SIRT4: variants seen among roughly 807,000 people sequenced by gnomAD.
SIRT4 encodes NAD-dependent protein lipoamidase sirtuin-4, mitochondrial.
SIRT4 carries 23 observed loss-of-function variants against 26.1 expected under a neutral mutation model. That is an observed-to-expected ratio of 0.88 (90% CI 0.63 to 1.25). The LOEUF (loss-of-function observed/expected upper bound fraction) is 1.25, where lower values mean the gene tolerates loss of function less well. Ranked by LOEUF, SIRT4 falls within the 50% of genes most tolerant of loss-of-function variation. SIRT4 has a pLI of 0.00. For synonymous variants in SIRT4, 155 were observed against 158.4 expected (o/e 0.98, Z 0.16); for missense variants, 361 against 405.4 (o/e 0.89, Z 0.94).
At chr12:120,293,057 AC>A in the SIRT4 span, 1 of 139,914 alleles carries the variant, frequency 7.1e-6, no homozygotes, top group African/African-American at 2.7e-5. Context: ...CCCCACACAC[AC>A]AAAAAAAGCC....
upstream of SIRT4, among the ~76,000 whole-genome samples, chr12:120,299,653 C>A (rs1872475807): frequency 2.0e-5 from 3 of 151,962 alleles, no homozygotes; most frequent in Admixed American, 2.0e-4. Context: ...ACTGGTCCAA[C>A]ACAGAATTTC....
chr12:120,303,896 G>C lies in SIRT4; in HGVS notation c.335G>C (p.Gly112Ala). Residue 112 changes from glycine to alanine, a missense_variant, in exon 2 of 4, where the codon GGC becomes GCC. Physicochemically the swap from Gly to Ala is moderately conservative, Grantham distance 60. Coordinates refer to ENST00000202967, the MANE Select transcript of SIRT4 (RefSeq NM_012240.3). Reference protein sequence around the residue: ...RQRYWARNFVGWPQFSSHQPN... With the variant: ...RQRYWARNFVAWPQFSSHQPN... ...CGGTACTGGGCGAGAAACTTCGTAG[G>C]CTGGCCTCAATTCTCCTCCCACCAG... 6.2e-7 allele frequency: 1 copy of C among 1,614,174 alleles called. No individual in the cohort carries two copies. Among genetic ancestry groups the C allele is most frequent in the Non-Finnish European group, 8.5e-7 (1 of 1,180,040 alleles).
the SIRT4 span, among the ~76,000 whole-genome samples, chr12:120,293,964 TA>T: frequency 6.6e-6 from 1 of 151,762 alleles, no homozygotes; most frequent in South Asian, 2.1e-4. Flanking sequence ...AGGAATTCAT[TA>T]ATTTTATGGC....
chr12:120,309,111 G>A (rs1226429947), intron 2 of SIRT4, among the ~76,000 whole-genome samples: 1 of 152,030 alleles, frequency 6.6e-6, no homozygotes, highest in Non-Finnish European at 1.5e-5. Context: ...CCTGGGAGGC[G>A]GAGGTTGCGG....
the SIRT4 span, among the ~76,000 whole-genome samples, chr12:120,296,213 C>A: frequency 6.8e-6 from 1 of 146,130 alleles, no homozygotes; most frequent in Non-Finnish European, 1.5e-5. Context: ...CATCCATATA[C>A]AAAAATGACA....
Position 120,303,635 on chromosome 12 carries a change from C to G in SIRT4, c.74C>G (p.Ser25Trp), listed in dbSNP as rs772284370. The change falls in exon 2 of 4, where the codon TCG becomes TGG. Residue 25 changes from serine (S) to tryptophan (W), a missense_variant. Transcript: ENST00000202967. ...ATCGCAAACCCCAGCCAGCCGTGCTCGAAAGCCTCCATTGGGTTATTTGTG... is the reference window on the plus strand; with the variant it reads ...ATCGCAAACCCCAGCCAGCCGTGCTGGAAAGCCTCCATTGGGTTATTTGTG... ...RWIANPSQPC[S>W]KASIGLFVPA... The G allele has an allele frequency of 6.2e-7, 1 of 1,614,104 alleles. No homozygotes were observed. The highest frequency in any genetic ancestry group is 1.7e-5 in the Admixed American group (1 of 59,984).
chr12:120,292,849 G>A, the SIRT4 span, among the ~76,000 whole-genome samples: 5 of 152,056 alleles, frequency 3.3e-5, no homozygotes, highest in Admixed American at 2.0e-4. Flanking sequence ...CAGCCAACTG[G>A]CAAGAAAAGT....
chr12:120,302,543 G>T (rs536629574), intron 1 of SIRT4, among the ~76,000 whole-genome samples, 165 bp downstream of exon 1: 2 of 152,152 alleles, frequency 1.3e-5, no homozygotes, highest in African/African-American at 4.8e-5. Context: ...TCGGGAAACC[G>T]GACTGTGTGT....
chr12:120,306,215 C>T (rs1434886116), intron 2 of SIRT4, among the ~76,000 whole-genome samples: 7 of 152,010 alleles, frequency 4.6e-5, no homozygotes, highest in Non-Finnish European at 1.0e-4. Flanking sequence ...GTGGCTCGCG[C>T]CTGTAATCCC....
intron 2 of SIRT4, 32 bp downstream of exon 2, chr12:120,304,090 C>T: frequency 6.3e-7 from 1 of 1,593,188 alleles, no homozygotes; most frequent in East Asian, 2.2e-5. Context: ...TGAACGCAAA[C>T]CCGTGTGTTG....
At chr12:120,297,683 A>C (rs1202951885), upstream of SIRT4, among the ~76,000 whole-genome samples, 1 of 152,136 alleles carries the variant, frequency 6.6e-6, no homozygotes, top group African/African-American at 2.4e-5. Context: ...GGGGCCTAGA[A>C]GCACAATAGA....
chr12:120,296,811 C>A, the SIRT4 span, among the ~76,000 whole-genome samples: 3 of 151,828 alleles, frequency 2.0e-5, no homozygotes, highest in African/African-American at 7.3e-5. Context: ...CAGCAGATTT[C>A]TTATTTAATT....
chr12:120,303,358 C>G (rs1394973915), intron 1 of SIRT4, among the ~76,000 whole-genome samples: 1 of 151,714 alleles, frequency 6.6e-6, no homozygotes, highest in African/African-American at 2.4e-5. Flanking sequence ...CCATGTAGTC[C>G]CAGCTATTCT....
chr12:120,298,119 C>T (rs1197739847), upstream of SIRT4, among the ~76,000 whole-genome samples: 1 of 144,582 alleles, frequency 6.9e-6, no homozygotes, highest in Non-Finnish European at 1.5e-5. Flanking sequence ...TCACTTGAAC[C>T]CGGGAGGCGG....
At chr12:120,308,613 G>C (rs1019557277) in intron 2 of SIRT4, among the ~76,000 whole-genome samples, 1 of 152,154 alleles carries the variant, frequency 6.6e-6, no homozygotes, top group Non-Finnish European at 1.5e-5. Flanking sequence ...GTTTGGACCT[G>C]GGACTTGCAG....
upstream of SIRT4, among the ~76,000 whole-genome samples, chr12:120,297,516 CAA>C (rs1227183448): frequency 6.8e-6 from 1 of 147,874 alleles, no homozygotes; most frequent in African/African-American, 2.5e-5. Context: ...GAAATAGAAA[CAA>C]AGCATACAAA....
the SIRT4 span, among the ~76,000 whole-genome samples, chr12:120,292,169 G>A: frequency 6.6e-6 from 1 of 152,054 alleles, no homozygotes; most frequent in Non-Finnish European, 1.5e-5. Context: ...GTTGAGACTT[G>A]AATTTTGAGC....
At chr12:120,310,827 C>G (rs1309192379) in intron 2 of SIRT4, among the ~76,000 whole-genome samples, 1 of 151,394 alleles carries the variant, frequency 6.6e-6, no homozygotes, top group Non-Finnish European at 1.5e-5. Context: ...GCTCCGCCTC[C>G]CGGGTTCACG....
chr12:120,292,802 G>A, the SIRT4 span, among the ~76,000 whole-genome samples: 1 of 146,484 alleles, frequency 6.8e-6, no homozygotes, highest in Non-Finnish European at 1.5e-5. Flanking sequence ...GACAGACTTC[G>A]TCTCAAAAAG....
Sources: allele counts gnomAD v4.1 joint callset (sites outside exome capture counted in the v4.1 genomes callset), GRCh38; gene constraint gnomAD v4.1.1; transcripts MANE v1.5; gene names NCBI Gene and HGNC (gene_info 2026-07-23, HGNC 2026-07-21).